The following HADHA variants were observed in gnomAD, a reference collection of about 807,000 sequenced individuals.
HADHA encodes the protein trifunctional enzyme subunit alpha, mitochondrial.
A neutral mutation model predicts 91.3 loss-of-function variants in HADHA; 59 were observed. That is an observed-to-expected ratio of 0.65 (90% CI 0.52 to 0.80). The LOEUF is 0.80. HADHA is among the 30% of genes least tolerant of loss of function. HADHA has a pLI of 0.00. For synonymous variants in HADHA, 320 were observed against 338.9 expected (o/e 0.94, Z 0.61); for missense variants, 800 against 927.6 (o/e 0.86, Z 1.79).
At chr2:26,228,515 C>A (rs758019931) in intron 7 of HADHA, among the ~76,000 whole-genome samples, 1 of 152,180 alleles carries the variant, frequency 6.6e-6, no homozygotes, top group East Asian at 1.9e-4. Flanking sequence ...AAATGCTCAT[C>A]ATTTGGTGAA....
At chr2:26,209,058 G>A (rs946784806) in intron 11 of HADHA, among the ~76,000 whole-genome samples, 7 of 152,146 alleles carry the variant, frequency 4.6e-5, no homozygotes, top group African/African-American at 1.7e-4. Context: ...ATTTCGAACT[G>A]GATATTTCTT....
intron 12 of HADHA, among the ~76,000 whole-genome samples, 195 bp downstream of exon 12, chr2:26,203,867 A>G (rs1300163348): frequency 6.6e-6 from 1 of 152,238 alleles, no homozygotes; most frequent in African/African-American, 2.4e-5. Flanking sequence ...GAAGTCAAAG[A>G]AGGAATTGGC....
intron 7 of HADHA, among the ~76,000 whole-genome samples, chr2:26,225,285 G>T (rs1670460211): frequency 6.6e-6 from 1 of 151,712 alleles, no homozygotes; most frequent in Admixed American, 6.6e-5. Flanking sequence ...TCAGAAGATT[G>T]AGACCATCCT....
rs116320983 is a variant in HADHA at position 26,230,279 on chromosome 2, C to T, written c.589G>A (p.Ala197Thr). The T allele has an allele frequency of 1.2e-6, 2 of 1,611,966 alleles. No individual in the cohort carries two copies. Among genetic ancestry groups the T allele is most frequent in the South Asian group, 1.1e-5 (1 of 91,050 alleles). The change falls in exon 7 of 20, where the codon GCT becomes ACT. Residue 197 changes from alanine to threonine, a missense_variant. Ala to Thr is a moderately conservative substitution (Grantham distance 58, BLOSUM62 0). Transcript: ENST00000380649. ...CTACCAGTCAGCATCATGTCCAAAG[C>T]AGCAGGCACACCCACCTAACAGGCA... ...RLPKMVGVPA[A>T]LDMMLTGRSI... is the part of the protein sequence containing the mutation.
chr2:26,191,308 G>A lies in HADHA; in HGVS notation c.2234C>T (p.Thr745Ile). Residue 745 changes from threonine (T) to isoleucine (I), a missense_variant, in exon 20 of 20, where the codon ACC becomes ATC. Thr to Ile is a moderately conservative substitution (Grantham distance 89). Transcript: ENST00000380649. ...ATGGTCAGCTAGCAGCTGGCATGGG[G>A]TGAACTGTTTTCCATAGGCAGCTTC... Reference protein sequence around the residue: ...KYEAAYGKQFTPCQLLADHAN... With the variant: ...KYEAAYGKQFIPCQLLADHAN... 1 of 1,613,690 alleles carries A rather than the reference G, an allele frequency of 6.2e-7. No individual in the cohort carries two copies.
At chr2:26,206,065 C>A (rs1193857948) in intron 11 of HADHA, among the ~76,000 whole-genome samples, 1 of 151,892 alleles carries the variant, frequency 6.6e-6, no homozygotes. Flanking sequence ...CTTTGGGAGG[C>A]CTAGGAGGGA....
At chr2:26,234,589 AC>A (rs1670701851) in intron 4 of HADHA, among the ~76,000 whole-genome samples, 1 of 151,980 alleles carries the variant, frequency 6.6e-6, no homozygotes, top group Non-Finnish European at 1.5e-5. Context: ...ACACGGTGAA[AC>A]CCCGTCTCTA....
At position 26,241,161 on chromosome 2, in the gene HADHA, A is replaced by C. The variant is rs887281621; in HGVS notation, c.68-2018T>G. Among the ~76,000 whole-genome samples, 9 of 152,300 alleles carry C rather than the reference A, an allele frequency of 5.9e-5. No individual in the cohort carries two copies. In the East Asian group the frequency reaches 1.7e-3, roughly 29 times the overall value. On this transcript the variant is annotated intron_variant, in intron 1 of 19. Coordinates refer to ENST00000380649, the MANE Select transcript of HADHA (RefSeq NM_000182.5). ...ATCTTTGTAATGTAACCCAAGAATA[A>C]CTACAAAACCTCATAAGACTACAGT...
chr2:26,244,437 G>T, intron 1 of HADHA, 93 bp downstream of exon 1: 1 of 1,282,632 alleles, frequency 7.8e-7, no homozygotes, highest in Non-Finnish European at 1.1e-6. Flanking sequence ...GGCTGGGGCA[G>T]GCGGCAGCGA....
Position 26,210,001 on chromosome 2 carries a change from C to A in HADHA, c.976-112G>T, listed in dbSNP as rs1318241649. 3 of 750,274 alleles carry A rather than the reference C, an allele frequency of 4.0e-6. No homozygotes were observed. Among genetic ancestry groups the A allele is most frequent in the Non-Finnish European group, 7.3e-6 (3 of 410,280 alleles). The allele number at this position is 750,274 out of a possible 1,614,324, so 46.5% of individuals were successfully genotyped here. A position where few individuals can be genotyped will look rare whatever the true frequency, so the allele number is the denominator to read the frequency against. ...GAGGTAATGCATGTGAAGCCTGAGT[C>A]CCTGGGGATGCGGGGGAGTTTGGGG... On this transcript the variant is annotated intron_variant, in intron 10 of 19. Coordinates refer to ENST00000380649, the MANE Select transcript of HADHA (RefSeq NM_000182.5). This position sits in a 1 kb window ranked among gnomAD's most constrained non-coding sequence, Gnocchi z 4.0.
chr2:26,216,743 G>C (rs1670230946), intron 7 of HADHA, among the ~76,000 whole-genome samples: 1 of 152,200 alleles, frequency 6.6e-6, no homozygotes, highest in South Asian at 2.1e-4. Flanking sequence ...AGGGAGGCCA[G>C]GGCAGCTGGA....
chr2:26,212,235 T>C, intron 10 of HADHA: 2 of 356,686 alleles, frequency 5.6e-6, no homozygotes, highest in South Asian at 2.3e-5. Context: ...TGTGGGTGCA[T>C]GCCACCATGC....
chr2:26,197,494 A>G (rs1669706878), intron 14 of HADHA, among the ~76,000 whole-genome samples, 197 bp downstream of exon 14: 1 of 152,180 alleles, frequency 6.6e-6, no homozygotes, highest in Admixed American at 6.5e-5. Context: ...ATCCTTGAAA[A>G]GGATATTTTT....
chr2:26,196,371 C>T (rs931175100), intron 14 of HADHA, among the ~76,000 whole-genome samples: 1 of 152,158 alleles, frequency 6.6e-6, no homozygotes, highest in South Asian at 2.1e-4. Context: ...CTCAGTACTC[C>T]TGAGCAAAAG....
chr2:26,240,655 ATTT>A (rs149266552), intron 1 of HADHA, among the ~76,000 whole-genome samples: 2,328 of 152,014 alleles, frequency 0.015, 56 homozygotes, highest in African/African-American at 0.051. Flanking sequence ...TTTCAAAAAC[ATTT>A]TTTTTCTTTG....
chr2:26,238,986 T>C lies in HADHA; in HGVS notation c.128A>G (p.Tyr43Cys), dbSNP rs759767604. The C allele has an allele frequency of 1.9e-6, 3 of 1,604,916 alleles. No individual in the cohort carries two copies. Among genetic ancestry groups the C allele is most frequent in the South Asian group, 2.2e-5 (2 of 90,872 alleles). Residue 43 changes from tyrosine to cysteine, a missense_variant, in exon 3 of 20, where the codon TAT (tyrosine) becomes TGT (cysteine). By Grantham distance (194) the Tyr-to-Cys change is radical (BLOSUM62 -2). Coordinates refer to ENST00000380649, the MANE Select transcript of HADHA (RefSeq NM_000182.5). ...AACTGCCACATCCCCTTTGACTCCA[T>C]AGTTAATATGGGTTCTGGCTAAAAA... ...SALLTRTHINYGVKGDVAVVR... is the reference protein window; with the variant it reads ...SALLTRTHINCGVKGDVAVVR...
rs978916812 is a variant in HADHA, at chr2:26,210,870, G to A, written c.976-981C>T. 2.6e-5 allele frequency: 4 copies of A among 152,188 alleles called. No homozygotes were observed. The highest frequency in any genetic ancestry group is 5.9e-5 in the Non-Finnish European group (4 of 68,030). The allele number at this position is 152,188 out of a possible 1,614,324, so 9.4% of individuals were successfully genotyped here. On this transcript the variant is annotated intron_variant, in intron 10 of 19. Coordinates refer to ENST00000380649, the MANE Select transcript of HADHA (RefSeq NM_000182.5). This position sits in a 1 kb window ranked among gnomAD's most constrained non-coding sequence, Gnocchi z 4.0. The stretch of plus-strand genomic sequence containing the variant: ...ACAGTATTGTTCTGGGGGATTAAAT[G>A]AGAACACTAGTAAAATGACCAGGGT...
intron 14 of HADHA, 142 bp downstream of exon 14, chr2:26,197,549 T>C (rs1412150500): frequency 1.4e-6 from 1 of 696,154 alleles, no homozygotes; most frequent in East Asian, 2.6e-5. Flanking sequence ...GTCATGGTAT[T>C]AGCATTTATT....
rs1308806038 is a variant in HADHA, at chr2:26,193,731, G to C, written c.1731C>G (p.Ser577Arg). 7 of 1,614,056 alleles carry C rather than the reference G, an allele frequency of 4.3e-6. No individual in the cohort carries two copies. Among genetic ancestry groups the C allele is most frequent in the Non-Finnish European group, 5.9e-6 (7 of 1,180,012 alleles). The stretch of plus-strand genomic sequence containing the variant: ...TGGCGGCACCCACAGGAAAGCCAAA[G>C]CTTGTGGTCAGGGAATCCAGCTTCT... ...DPKKLDSLTTSFGFPVGAATL... is the reference protein window; with the variant it reads ...DPKKLDSLTTRFGFPVGAATL... The change falls in exon 17 of 20, where the codon AGC (serine) becomes AGG (arginine). Residue 577 changes from serine (S) to arginine (R), a missense_variant. Ser to Arg is a moderately radical substitution (Grantham distance 110). Coordinates refer to ENST00000380649, the MANE Select transcript of HADHA (RefSeq NM_000182.5).
Sources: gnomAD v4.1 joint callset for allele counts (sites outside exome capture counted in the v4.1 genomes callset) on GRCh38, gnomAD v4.1.1 for gene constraint, Gnocchi (gnomAD v3.1) non-coding constraint, MANE v1.5 for transcripts, NCBI Gene and HGNC (gene_info 2026-07-23, HGNC 2026-07-21) for gene names.